The following UNC79 variants were observed in gnomAD, a reference collection of about 807,000 sequenced individuals.
UNC79 encodes unc-79 subunit of NALCN channel complex, also known as protein unc-79 homolog.
In UNC79, 37 loss-of-function variants were observed where a neutral mutation model predicts 283.1. The ratio of observed to expected loss-of-function variants is 0.13; its 90% CI spans 0.10 to 0.17. The LOEUF (loss-of-function observed/expected upper bound fraction) is 0.17. Ranked by LOEUF, UNC79 falls within the 10% of genes least tolerant of loss-of-function variation. UNC79 has a pLI of 1.00. For missense variants in UNC79, 2,272 were observed against 3,211.1 expected, an observed-to-expected ratio of 0.71 and a Z score of 7.07; for synonymous variants, 1,107 against 1,200.2, an observed-to-expected ratio of 0.92 and a Z score of 1.61.
chr14:93,560,207 A>G (rs1323889735), intron 14 of UNC79, among the ~76,000 whole-genome samples: 1 of 152,226 alleles, frequency 6.6e-6, no homozygotes, highest in East Asian at 1.9e-4. Context: ...ACATCCAATT[A>G]GAGAGTGCCC....
intron 1 of UNC79, among the ~76,000 whole-genome samples, chr14:93,383,697 T>TA (rs1053058422): frequency 2.6e-5 from 4 of 151,944 alleles, no homozygotes; most frequent in African/African-American, 9.7e-5. Context: ...GGCAAGTACT[T>TA]AAAAAAAACT....
rs184004859 is a variant in UNC79 at position 93,340,310 on chromosome 14, C to T, written c.-351+6787C>T. 1.3e-3 allele frequency among the ~76,000 whole-genome samples: 201 copies of T among 152,056 alleles called. 1 individual carries two copies. Among genetic ancestry groups the T allele is most frequent in the Middle Eastern group, 3.4e-3 (1 of 294 alleles). ...ATAAAAAATTAGCCAGGCATGGTGGCGGGTGCCTGTAGTCCCAGCTACTCG... is the reference window on the plus strand; with the variant it reads ...ATAAAAAATTAGCCAGGCATGGTGGTGGGTGCCTGTAGTCCCAGCTACTCG... On this transcript the variant is annotated intron_variant, in intron 1 of 49. Transcript: ENST00000256339.
intron 42 of UNC79, among the ~76,000 whole-genome samples, chr14:93,685,395 C>T (rs1171091308): frequency 6.6e-6 from 1 of 152,138 alleles, no homozygotes; most frequent in East Asian, 1.9e-4. Context: ...ATTCCAAAAG[C>T]AGGAACACAA....
At chr14:93,418,741 C>A (rs889687858) in intron 1 of UNC79, among the ~76,000 whole-genome samples, 7 of 151,780 alleles carry the variant, frequency 4.6e-5, no homozygotes, top group African/African-American at 1.7e-4. Context: ...CGCCCCTCCC[C>A]CAGCCTCGCT....
intron 1 of UNC79, among the ~76,000 whole-genome samples, chr14:93,368,150 T>G (rs746911769): frequency 6.6e-6 from 1 of 152,258 alleles, no homozygotes; most frequent in Non-Finnish European, 1.5e-5. Flanking sequence ...AATTAGATAT[T>G]GCCTTCTCAT....
chr14:93,687,485 C>A lies in UNC79; in HGVS notation c.6909+824C>A, dbSNP rs7158424. On this transcript the variant is annotated intron_variant, in intron 43 of 48. Coordinates refer to ENST00000555664, the Ensembl canonical transcript of UNC79. ...CATGGTCCAAGGAGCAGCCAAATTG[C>A]AATCTGGTGCTAGATGATTCCTTTT... is the stretch of plus-strand genomic sequence containing the variant. Among the ~76,000 whole-genome samples the A allele has an allele frequency of 3.3e-3, 500 of 152,274 alleles. 3 individuals carry two copies. Among genetic ancestry groups the A allele is most frequent in the African/African-American group, 0.011 (475 of 41,550 alleles).
intron 7 of UNC79, 46 bp downstream of exon 7, chr14:93,497,332 T>G: frequency 6.3e-7 from 1 of 1,592,136 alleles, no homozygotes; most frequent in East Asian, 2.2e-5. Flanking sequence ...ATTTCTCCTG[T>G]GCCACACTGG....
At chr14:93,390,423 T>C (rs1170600887) in intron 1 of UNC79, among the ~76,000 whole-genome samples, 1 of 152,206 alleles carries the variant, frequency 6.6e-6, no homozygotes, top group Non-Finnish European at 1.5e-5. Flanking sequence ...CAAGGATGCC[T>C]ACTCTAGTTT....
chr14:93,650,917 A>G (rs540282203), intron 35 of UNC79, among the ~76,000 whole-genome samples: 1 of 151,008 alleles, frequency 6.6e-6, no homozygotes, highest in South Asian at 2.1e-4. Context: ...TGGTTTTCAT[A>G]TGTATATTTG....
intron 26 of UNC79, among the ~76,000 whole-genome samples, chr14:93,603,827 A>AT (rs946334969): frequency 1.4e-4 from 21 of 149,860 alleles, no homozygotes; most frequent in Non-Finnish European, 2.2e-4. Flanking sequence ...TTTGGAATGT[A>AT]TTTTTTTTTT....
chr14:93,339,439 ACAGGTGCCTGCCACCACG>A (rs2053653050), intron 1 of UNC79, among the ~76,000 whole-genome samples: 3 of 152,226 alleles, frequency 2.0e-5, no homozygotes, highest in African/African-American at 7.2e-5. Context: ...AGCTGGGACT[ACAGGTGCCTGCCACCACG>A]CCCGGCTAAT....
chr14:93,519,680 T>C (rs1261279898), intron 7 of UNC79, among the ~76,000 whole-genome samples: 1 of 151,816 alleles, frequency 6.6e-6, no homozygotes, highest in Non-Finnish European at 1.5e-5. Context: ...TTTAGTGTTA[T>C]ATTTTATTTC....
intron 7 of UNC79, among the ~76,000 whole-genome samples, chr14:93,519,878 T>G (rs2060242142): frequency 6.6e-6 from 1 of 151,820 alleles, no homozygotes; most frequent in Non-Finnish European, 1.5e-5. Context: ...ATATATATTA[T>G]TAGCCTCTAT....
chr14:93,493,906 T>TA (rs2058883076), intron 5 of UNC79, among the ~76,000 whole-genome samples: 17 of 127,164 alleles, frequency 1.3e-4, no homozygotes, highest in African/African-American at 4.9e-4. Flanking sequence ...TATATATTTT[T>TA]TTTTTTTTTT....
chr14:93,354,303 C>T (rs1225512699), intron 1 of UNC79, among the ~76,000 whole-genome samples: 1 of 152,070 alleles, frequency 6.6e-6, no homozygotes, highest in Non-Finnish European at 1.5e-5. Flanking sequence ...AAGTTGAATA[C>T]CTCTAATTTG....
In UNC79 at chr14:93,621,156, T is replaced by G; in HGVS notation, c.4388-465T>G. 2.7e-6 allele frequency: 1 copy of G among 368,942 alleles called. No homozygotes were observed. Among genetic ancestry groups the G allele is most frequent in the South Asian group, 2.1e-5 (1 of 46,544 alleles). The allele number at this position is 368,942 out of a possible 1,614,324, so 22.9% of individuals were successfully genotyped here. On this transcript the variant is annotated intron_variant, in intron 29 of 48. Coordinates refer to ENST00000555664, the Ensembl canonical transcript of UNC79. This position sits in a 1 kb window ranked among gnomAD's most constrained non-coding sequence, Gnocchi z 4.8. ...CACATTTTAATACCGTTGATTTATA[T>G]ATATGTATGCACAAACAGTATATAT...
At chr14:93,527,088 G>A (rs944786390) in intron 8 of UNC79, among the ~76,000 whole-genome samples, 1 of 152,226 alleles carries the variant, frequency 6.6e-6, no homozygotes, top group Admixed American at 6.5e-5. Flanking sequence ...AGGATTAAAT[G>A]TGAAAATATG....
Position 93,622,851 on chromosome 14 carries a change from C to T in UNC79, c.5608+10C>T, listed in dbSNP as rs1162521811. 6.2e-7 allele frequency: 1 copy of T among 1,607,756 alleles called. No individual in the cohort carries two copies. Among genetic ancestry groups the T allele is most frequent in the East Asian group, 2.2e-5 (1 of 44,824 alleles). ...GAACAGAAAGATCCAGGTAAGCTCG[C>T]CTCTCTTCTTTCTCTCAGCCTTAAC... On this transcript the variant is annotated intron_variant, in intron 30 of 48. Coordinates refer to ENST00000555664, the Ensembl canonical transcript of UNC79.
chr14:93,651,918 T>TA (rs2070320202), intron 35 of UNC79, among the ~76,000 whole-genome samples: 1 of 143,682 alleles, frequency 7.0e-6, no homozygotes, highest in South Asian at 2.3e-4. Flanking sequence ...TTGTATTTTT[T>TA]TTTTTTTTTT....
Sources: allele counts gnomAD v4.1 joint callset (sites outside exome capture counted in the v4.1 genomes callset), GRCh38; gene constraint gnomAD v4.1.1; non-coding constraint Gnocchi (gnomAD v3.1); transcripts MANE v1.5; gene names NCBI Gene and HGNC (gene_info 2026-07-23, HGNC 2026-07-21).